The following ARHGAP30 variants were observed in gnomAD, a reference collection of about 807,000 sequenced individuals.
The protein encoded by ARHGAP30 is Rho GTPase activating protein 30.
In ARHGAP30, 23 loss-of-function variants were observed where a neutral mutation model predicts 72.0. The observed-to-expected ratio is 0.32, with a 90% CI of 0.23 to 0.45. The LOEUF is 0.45. Among genes scored for constraint, ARHGAP30 ranks in the 20% least tolerant of loss-of-function variants. ARHGAP30 has a pLI of 1.00. For synonymous variants in ARHGAP30, 576 were observed against 528.2 expected, an observed-to-expected ratio of 1.09 and a Z score of -1.24; for missense variants, 1,319 against 1,383.4, an observed-to-expected ratio of 0.95 and a Z score of 0.74.
Position 161,049,627 on chromosome 1 carries a change from C to A in ARHGAP30, c.1483G>T (p.Ala495Ser). ...PLADSGPDDL[A>S]PALEDSLSQE... is the part of the protein sequence containing the mutation. Reference sequence around the variant, plus strand: ...GACAGCGAGTCCTCCAGGGCAGGAGCCAAGTCGTCTGGGCCTGAGTCTGCC... The same window carrying A: ...GACAGCGAGTCCTCCAGGGCAGGAGACAAGTCGTCTGGGCCTGAGTCTGCC... Residue 495 changes from alanine to serine, a missense_variant, in exon 11 of 12, where the codon GCT becomes TCT. By Grantham distance (99) the Ala-to-Ser change is moderately conservative. This residue lies in a region of ARHGAP30 where 1,097 missense variants were observed against 1,045.2 expected (regional missense o/e 1.05). Coordinates refer to ENST00000368013, the MANE Select transcript of ARHGAP30 (RefSeq NM_001025598.2). 4 of 1,614,066 alleles carry A rather than the reference C, an allele frequency of 2.5e-6. No homozygotes were observed. The highest frequency in any genetic ancestry group is 3.4e-6 in the Non-Finnish European group (4 of 1,179,972).
intron 10 of ARHGAP30, among the ~76,000 whole-genome samples, chr1:161,050,356 T>C (rs1651260024): frequency 6.8e-6 from 1 of 146,336 alleles, no homozygotes; most frequent in Non-Finnish European, 1.5e-5. Context: ...TGGAGTGCAG[T>C]GGCGCAATCT....
At chr1:161,059,782 G>T (rs1225093116) in intron 1 of ARHGAP30, 66 bp from the exon 2 acceptor site, 32 of 1,387,868 alleles carry the variant, frequency 2.3e-5, no homozygotes, top group Middle Eastern at 3.7e-4. Context: ...ACTGCACTGG[G>T]TCTGAGAAAT....
chr1:161,064,383 T>A (rs1652536330), intron 1 of ARHGAP30, among the ~76,000 whole-genome samples: 1 of 152,236 alleles, frequency 6.6e-6, no homozygotes, highest in Non-Finnish European at 1.5e-5. Context: ...CTTGGAGATT[T>A]AACAGAGAAT....
Position 161,069,451 on chromosome 1 carries a change from G to GC in ARHGAP30, c.97+76dup, listed in dbSNP as rs1357713767. The stretch of plus-strand genomic sequence containing the variant: ...CCCAGGAGCACCGGAAACTGCTTCT[G>GC]CCCTTCAGGCTGGATCGGGCTGCAG... On this transcript the variant is annotated intron_variant, in intron 1 of 11. Transcript: ENST00000368013. This position sits in a 1 kb window ranked among gnomAD's most constrained non-coding sequence, Gnocchi z 4.9. 5 of 1,462,116 alleles carry GC rather than the reference G, an allele frequency of 3.4e-6. No homozygotes were observed. The highest frequency in any genetic ancestry group is 4.7e-6 in the Non-Finnish European group (5 of 1,057,454). 90.6% of individuals were successfully genotyped at this position (1,462,116 alleles called of 1,614,324 possible).
chr1:161,056,330 C>T, intron 3 of ARHGAP30, 58 bp downstream of exon 3: 1 of 1,580,858 alleles, frequency 6.3e-7, no homozygotes, highest in Non-Finnish European at 8.6e-7. Flanking sequence ...CTTGGGATGT[C>T]AAAACCAGGC....
At chr1:161,054,924 T>C (rs1337820763) in intron 3 of ARHGAP30, among the ~76,000 whole-genome samples, 2 of 152,178 alleles carry the variant, frequency 1.3e-5, no homozygotes, top group African/African-American at 4.8e-5. Context: ...ATAGCTTTTG[T>C]GAACTTGGCA....
At chr1:161,052,402 C>T (rs752805109) in intron 8 of ARHGAP30, 38 bp downstream of exon 8, 10 of 1,613,524 alleles carry the variant, frequency 6.2e-6, no homozygotes, top group African/African-American at 2.7e-5. Context: ...GGGCCTTGTG[C>T]ACCCTCAGCA....
intron 3 of ARHGAP30, among the ~76,000 whole-genome samples, chr1:161,055,891 AAAAT>A (rs1651825167): frequency 6.4e-5 from 1 of 15,672 alleles, no homozygotes; most frequent in Non-Finnish European, 1.3e-4. Flanking sequence ...AAAAATAAAT[AAAAT>A]AAAATAAAAT....
chr1:161,057,963 C>G (rs2102053550), intron 2 of ARHGAP30, among the ~76,000 whole-genome samples: 1 of 152,200 alleles, frequency 6.6e-6, no homozygotes, highest in East Asian at 1.9e-4. Context: ...ACCAGCCTGA[C>G]CAACATGGAG....
At chr1:161,060,280 AAAGAAAGAG>A (rs1044581813) in intron 1 of ARHGAP30, 4 of 416,582 alleles carry the variant, frequency 9.6e-6, no homozygotes, top group African/African-American at 8.4e-5. Context: ...AAAAAAAAAA[AAAGAAAGAG>A]AAAGAAAGAA....
chr1:161,064,304 T>C (rs1652530131), intron 1 of ARHGAP30, among the ~76,000 whole-genome samples: 1 of 152,224 alleles, frequency 6.6e-6, no homozygotes, highest in Non-Finnish European at 1.5e-5. Flanking sequence ...ACCTACATGA[T>C]TATCGGGGCA....
Position 161,051,647 on chromosome 1 carries a change from C to T in ARHGAP30, c.1087G>A (p.Asp363Asn), listed in dbSNP as rs145698042. The T allele has an allele frequency of 1.2e-4, 189 of 1,613,068 alleles. 1 individual carries two copies. In the African/African-American group the frequency reaches 2.2e-3, roughly 19 times the overall value. Residue 363 changes from aspartate (D) to asparagine (N), a missense_variant, in exon 10 of 12, where the codon GAT (aspartate) becomes AAT (asparagine). Asp to Asn is a conservative substitution (Grantham distance 23). This residue lies in a region of ARHGAP30 where 1,097 missense variants were observed against 1,045.2 expected (regional missense o/e 1.05). Coordinates refer to ENST00000368013, the MANE Select transcript of ARHGAP30 (RefSeq NM_001025598.2). ...TCACCCTCTGCTGCCTCTATAGAAT[C>T]GTTCTCCAAGCTCTCAGGCAGCAAT... is the stretch of plus-strand genomic sequence containing the variant. ...SPLLPESLEN[D>N]SIEAAEGEQE...
In ARHGAP30 at chr1:161,049,669, G is replaced by C. The variant is rs1651202349; in HGVS notation, c.1441C>G (p.Pro481Ala). 1.9e-6 allele frequency: 3 copies of C among 1,613,582 alleles called. No homozygotes were observed. The African/African-American group carries it at 4.0e-5, about 22-fold the overall frequency. The change falls in exon 11 of 12, where the codon CCA (proline) becomes GCA (alanine). Residue 481 changes from proline (P) to alanine (A), a missense_variant. Around this residue, in one of 2 missense-constraint regions of ARHGAP30, gnomAD observed 1,097 missense variants for 1,045.2 expected, o/e 1.05. Transcript: ENST00000368013. Reference sequence around the variant, plus strand: ...GAGTCTGCCAGGGGACTTGAGGCTGGACTTGCTTCCAACTTTTCATCTGTT... The same window carrying C: ...GAGTCTGCCAGGGGACTTGAGGCTGCACTTGCTTCCAACTTTTCATCTGTT... The part of the protein sequence containing the change: ...GPPDEKLEAS[P>A]ASSPLADSGP...
chr1:161,050,694 G>A (rs916296113), intron 10 of ARHGAP30, among the ~76,000 whole-genome samples: 1 of 151,754 alleles, frequency 6.6e-6, no homozygotes, highest in Non-Finnish European at 1.5e-5. Context: ...AGGCTAGAGT[G>A]CAGTGGCGTG....
intron 9 of ARHGAP30, among the ~76,000 whole-genome samples, chr1:161,052,050 ACCACC>A (rs1557921126): frequency 0.027 from 413 of 15,256 alleles, 117 homozygotes; most frequent in African/African-American, 0.029. Context: ...CACCACCACC[ACCACC>A]ACCACATACC....
In ARHGAP30 at chr1:161,049,187, C is replaced by T. The variant is rs768722315; in HGVS notation, c.1834G>A (p.Ala612Thr). ...AGAAGGGGACTTAGGTCATCATAGG[C>T]ACTCAGGAAAACTTCCTCCCCATTT... The part of the protein sequence containing the change: ...EENGEEVFLS[A>T]YDDLSPLLGP... The change falls in exon 12 of 12, where the codon GCC becomes ACC. Residue 612 changes from alanine to threonine, a missense_variant. By Grantham distance (58) the Ala-to-Thr change is moderately conservative (BLOSUM62 0). Around this residue, in one of 2 missense-constraint regions of ARHGAP30, gnomAD observed 1,097 missense variants for 1,045.2 expected, o/e 1.05. Coordinates refer to ENST00000368013, the MANE Select transcript of ARHGAP30 (RefSeq NM_001025598.2). The T allele has an allele frequency of 6.2e-7, 1 of 1,614,182 alleles. No individual in the cohort carries two copies. Among genetic ancestry groups the T allele is most frequent in the Non-Finnish European group, 8.5e-7 (1 of 1,180,012 alleles).
intron 1 of ARHGAP30, among the ~76,000 whole-genome samples, chr1:161,068,448 G>A (rs1652920343): frequency 6.6e-6 from 1 of 152,194 alleles, no homozygotes; most frequent in South Asian, 2.1e-4. Flanking sequence ...TGGGGACGCA[G>A]GGGCGGGGCT....
chr1:161,066,382 C>T (rs956098955), intron 1 of ARHGAP30, among the ~76,000 whole-genome samples: 4 of 150,912 alleles, frequency 2.7e-5, no homozygotes, highest in Non-Finnish European at 4.4e-5. Context: ...TGTGGTGGCT[C>T]ACACCTGTAA....
rs975195176 is a variant in ARHGAP30 at position 161,050,460 on chromosome 1, G to A, written c.1421-771C>T. On this transcript the variant is annotated intron_variant, in intron 10 of 11. Coordinates refer to ENST00000368013, the MANE Select transcript of ARHGAP30 (RefSeq NM_001025598.2). ...ATTACAGGCATGCCTCACCACGCAC[G>A]CCTGGCTAATTTTTTTTTAATTTTT... Among the ~76,000 whole-genome samples, 6 of 151,212 alleles carry A rather than the reference G, an allele frequency of 4.0e-5. No homozygotes were observed. In the South Asian group the frequency reaches 8.4e-4, roughly 21 times the overall value.
Sources: allele counts gnomAD v4.1 joint callset (sites outside exome capture counted in the v4.1 genomes callset), GRCh38; gene constraint gnomAD v4.1.1; regional missense constraint gnomAD v4.1.1; non-coding constraint Gnocchi (gnomAD v3.1); transcripts MANE v1.5; gene names NCBI Gene and HGNC (gene_info 2026-07-23, HGNC 2026-07-21).